The following MAP2 variants were observed in gnomAD, a reference collection of about 807,000 sequenced individuals.
MAP2 encodes the protein microtubule-associated protein 2.
MAP2 carries 14 observed loss-of-function variants against 137.6 expected under a neutral mutation model. The ratio of observed to expected loss-of-function variants is 0.10; its 90% CI spans 0.07 to 0.16. The LOEUF is 0.16. Ranked by LOEUF, MAP2 falls within the 10% of genes least tolerant of loss-of-function variation. The pLI, the probability that MAP2 is intolerant of heterozygous loss-of-function variation, is 1.00. For missense variants in MAP2, 2,088 were observed against 2,191.5 expected, an observed-to-expected ratio of 0.95 and a Z score of 0.94; for synonymous variants, 786 against 782.3, an observed-to-expected ratio of 1.00 and a Z score of -0.08.
chr2:209,730,421 T>C lies in MAP2; in HGVS notation c.*24T>C. Reference sequence around the variant, plus strand: ...GAATATTTCTCATTTAGCATTGAAATAATAATATTTAGGCATGAGCTCTTG... The same window carrying C: ...GAATATTTCTCATTTAGCATTGAAACAATAATATTTAGGCATGAGCTCTTG... On this transcript the variant is annotated 3_prime_UTR_variant, in exon 16 of 16. Coordinates refer to ENST00000682079, the MANE Select transcript of MAP2 (RefSeq NM_001375505.1). 1 of 1,572,896 alleles carries C rather than the reference T, an allele frequency of 6.4e-7. No homozygotes were observed. The highest frequency in any genetic ancestry group is 8.7e-7 in the Non-Finnish European group (1 of 1,145,276).
At chr2:209,507,278 G>A (rs1195336634) in intron 1 of MAP2, among the ~76,000 whole-genome samples, 2 of 152,062 alleles carry the variant, frequency 1.3e-5, no homozygotes, top group Non-Finnish European at 2.9e-5. Flanking sequence ...AACAGAATGT[G>A]CTAAAAATTC....
chr2:209,555,298 A>G (rs894153087), intron 2 of MAP2, among the ~76,000 whole-genome samples: 8 of 152,222 alleles, frequency 5.3e-5, no homozygotes, highest in Admixed American at 4.6e-4. Context: ...TAAAAAATGC[A>G]CATATTCTGA....
intron 1 of MAP2, among the ~76,000 whole-genome samples, chr2:209,471,954 A>G (rs1705836635): frequency 1.3e-5 from 2 of 152,128 alleles, no homozygotes. Flanking sequence ...TTATGGTTAA[A>G]AGGAGTTTCA....
intron 1 of MAP2, among the ~76,000 whole-genome samples, chr2:209,506,692 A>G (rs571233405): frequency 6.6e-6 from 1 of 152,292 alleles, no homozygotes; most frequent in East Asian, 1.9e-4. Context: ...AGCATATTTT[A>G]GTAGCAAGGC....
chr2:209,553,017 TG>T (rs2069563983), intron 2 of MAP2, among the ~76,000 whole-genome samples: 2 of 150,988 alleles, frequency 1.3e-5, no homozygotes, highest in Non-Finnish European at 2.9e-5. Context: ...GTTTTGTTGT[TG>T]TTTTTTTTTT....
chr2:209,563,920 A>G (rs16843106), intron 2 of MAP2, among the ~76,000 whole-genome samples: 3,004 of 152,338 alleles, frequency 0.02, 96 homozygotes, highest in African/African-American at 0.068. Flanking sequence ...TATGGCAAGA[A>G]TGCTGAAGGT....
At chr2:209,549,029 CTT>C (rs906826807) in intron 2 of MAP2, among the ~76,000 whole-genome samples, 1 of 152,098 alleles carries the variant, frequency 6.6e-6, no homozygotes, top group African/African-American at 2.4e-5. Flanking sequence ...AGAATGTTGA[CTT>C]TTTTCAATCA....
chr2:209,446,178 A>G (rs1303290431), intron 1 of MAP2, among the ~76,000 whole-genome samples: 25 of 151,832 alleles, frequency 1.6e-4, no homozygotes, highest in Admixed American at 1.6e-3. Flanking sequence ...AAAATTAATC[A>G]TATTTCTATT....
chr2:209,488,024 G>C (rs10207071), intron 1 of MAP2, among the ~76,000 whole-genome samples: 28,646 of 152,172 alleles, frequency 0.19, 3,267 homozygotes, highest in Non-Finnish European at 0.26. Flanking sequence ...GAACAGCTCC[G>C]GTCTGCAGCT....
At chr2:209,578,583 T>G (rs1002998929) in intron 2 of MAP2, among the ~76,000 whole-genome samples, 26 of 152,258 alleles carry the variant, frequency 1.7e-4, no homozygotes, top group African/African-American at 5.5e-4. Context: ...TTTTTGGTTC[T>G]CATCGAATTT....
intron 1 of MAP2, among the ~76,000 whole-genome samples, chr2:209,495,111 G>A (rs2059590061): frequency 6.6e-6 from 1 of 152,226 alleles, no homozygotes; most frequent in Non-Finnish European, 1.5e-5. Context: ...GCCGTAAGCT[G>A]CTGTAGCCAG....
intron 1 of MAP2, among the ~76,000 whole-genome samples, chr2:209,491,911 TA>T (rs1402476376): frequency 6.6e-6 from 1 of 151,828 alleles, no homozygotes; most frequent in Non-Finnish European, 1.5e-5. Context: ...TTCCAAACAA[TA>T]AAAAAAGAGG....
At chr2:209,485,805 CTT>C (rs1009032655) in intron 1 of MAP2, among the ~76,000 whole-genome samples, 4 of 152,232 alleles carry the variant, frequency 2.6e-5, no homozygotes, top group Non-Finnish European at 2.9e-5. Context: ...CACTTTCTAA[CTT>C]AACACTCCTG....
intron 4 of MAP2, among the ~76,000 whole-genome samples, chr2:209,632,818 C>A (rs2093214849): frequency 6.6e-6 from 1 of 152,090 alleles, no homozygotes; most frequent in Admixed American, 6.6e-5. Flanking sequence ...TCTGAGCCAT[C>A]CTCTTCCTCA....
rs140473370 is a variant in MAP2 at position 209,592,097 on chromosome 2, C to A, written c.-107+11997C>A. 3.4e-3 allele frequency among the ~76,000 whole-genome samples: 517 copies of A among 152,174 alleles called. 2 individuals are homozygous for A. The highest frequency in any genetic ancestry group is 8.9e-3 in the South Asian group (43 of 4,816). On this transcript the variant is annotated intron_variant, in intron 3 of 15. Transcript: ENST00000682079. ...TCCAGAGGCTTTAATGCCTTTTCAACCTAATTTCTTTCTTCTAAACTGGGT... is the reference window on the plus strand; with the variant it reads ...TCCAGAGGCTTTAATGCCTTTTCAAACTAATTTCTTTCTTCTAAACTGGGT...
chr2:209,429,037 TCCGC>T (rs1693443412), intron 1 of MAP2, among the ~76,000 whole-genome samples: 1 of 152,078 alleles, frequency 6.6e-6, no homozygotes, highest in South Asian at 2.1e-4. Flanking sequence ...CACTGCAAGC[TCCGC>T]CCCCCGGGTT....
chr2:209,668,390 A>G (rs995027237), intron 5 of MAP2, among the ~76,000 whole-genome samples: 1 of 152,074 alleles, frequency 6.6e-6, no homozygotes, highest in Admixed American at 6.6e-5. Context: ...AAAGATTTGT[A>G]TGCTATTTGC....
chr2:209,723,767 C>T, intron 13 of MAP2: 1 of 921,894 alleles, frequency 1.1e-6, no homozygotes, highest in Non-Finnish European at 1.8e-6. Context: ...TTCTTTCCCA[C>T]CTCTTTCCAA....
chr2:209,674,485 A>T (rs1238891904), intron 5 of MAP2, among the ~76,000 whole-genome samples: 1 of 151,800 alleles, frequency 6.6e-6, no homozygotes. Context: ...GACTGAATAC[A>T]TTTCATAGTA....
Sources: allele counts gnomAD v4.1 joint callset (sites outside exome capture counted in the v4.1 genomes callset), GRCh38; gene constraint gnomAD v4.1.1; transcripts MANE v1.5; gene names NCBI Gene and HGNC (gene_info 2026-07-23, HGNC 2026-07-21).